PACS2: variants seen among roughly 807,000 people sequenced by gnomAD.
PACS2 encodes PACS1-like protein.
Under a neutral mutation model 113.0 loss-of-function variants are expected in PACS2, and 36 were observed. The observed-to-expected ratio is 0.32, with a 90% confidence interval of 0.24 to 0.42. The LOEUF is 0.42. Among genes scored for constraint, PACS2 ranks in the 10% least tolerant of loss-of-function variants. The probability of loss-of-function intolerance (pLI) is 1.00; values close to 1 mark genes in which losing one functional copy is unlikely to be tolerated. For synonymous variants in PACS2, 589 were observed against 536.1 expected (o/e 1.10, Z -1.36); for missense variants, 1,015 against 1,239.5 (o/e 0.82, Z 2.72).
At chr14:105,367,852 C>G (rs918984260) in intron 5 of PACS2, among the ~76,000 whole-genome samples, 1 of 152,216 alleles carries the variant, frequency 6.6e-6, no homozygotes, top group African/African-American at 2.4e-5. Context: ...CCCTCCCTGC[C>G]CCTCCCCACT....
chr14:105,333,443 C>G (rs935521753), intron 1 of PACS2, among the ~76,000 whole-genome samples: 3 of 152,238 alleles, frequency 2.0e-5, no homozygotes, highest in Non-Finnish European at 2.9e-5. Flanking sequence ...TCCTGGAAGC[C>G]AGTCCCTGGC....
chr14:105,377,170 G>A (rs1393763446), intron 9 of PACS2, among the ~76,000 whole-genome samples: 2 of 152,166 alleles, frequency 1.3e-5, no homozygotes, highest in Non-Finnish European at 2.9e-5. Flanking sequence ...CTCTGGGCTG[G>A]GGAGGACCGA....
chr14:105,390,774 CG>C (rs2081329259), intron 20 of PACS2: 2 of 242,280 alleles, frequency 8.3e-6, no homozygotes, highest in Admixed American at 5.1e-5. Context: ...ACACTGTGCT[CG>C]GGCACACAGG....
chr14:105,390,684 G>A (rs1257400851), intron 20 of PACS2: 1 of 182,154 alleles, frequency 5.5e-6, no homozygotes, highest in Admixed American at 5.4e-5. Flanking sequence ...GAGGGCTCTG[G>A]GGCGATGGCT....
intron 1 of PACS2, among the ~76,000 whole-genome samples, chr14:105,335,239 G>A (rs1025462774): frequency 1.3e-5 from 2 of 152,270 alleles, no homozygotes; most frequent in Non-Finnish European, 2.9e-5. Flanking sequence ...TCCCTGCTCT[G>A]GGGCAGATGC....
chr14:105,310,447 A>G (rs766888628), upstream of PACS2, among the ~76,000 whole-genome samples: 10 of 147,452 alleles, frequency 6.8e-5, no homozygotes, highest in Admixed American at 7.0e-5. Flanking sequence ...GGAGAATGGC[A>G]TGAACCCGGG....
intron 1 of PACS2, among the ~76,000 whole-genome samples, chr14:105,326,805 C>T (rs2059127187): frequency 2.0e-5 from 3 of 152,182 alleles, no homozygotes; most frequent in Admixed American, 2.0e-4. Context: ...ACCCTGCGGC[C>T]AGGACTCTAC....
intron 1 of PACS2, among the ~76,000 whole-genome samples, chr14:105,325,186 A>C (rs2059057005): frequency 7.2e-6 from 1 of 139,532 alleles, no homozygotes; most frequent in African/African-American, 2.7e-5. Context: ...GGGCTCGGAC[A>C]CAGTGGTTGT....
Position 105,354,616 on chromosome 14 carries a change from CAG to C in PACS2, c.298-435_298-434del, listed in dbSNP as rs1411070742. Reference sequence around the variant, plus strand: ...GAGACGTGCAGGCGAGTTGGGTGAACAGGGGGCCTCGGAGGGAGAGCCCTCCC... The same window carrying C: ...GAGACGTGCAGGCGAGTTGGGTGAACGGGGCCTCGGAGGGAGAGCCCTCCC... On this transcript the variant is annotated intron_variant, in intron 3 of 24. Coordinates refer to ENST00000447393, the MANE Select transcript of PACS2 (RefSeq NM_001100913.3). This position sits in a 1 kb window ranked among gnomAD's most constrained non-coding sequence, Gnocchi z 4.2. Among the ~76,000 whole-genome samples the C allele has an allele frequency of 1.3e-5, 2 of 152,228 alleles. No homozygotes were observed. Among genetic ancestry groups the C allele is most frequent in the East Asian group, 3.8e-4 (2 of 5,204 alleles).
chr14:105,331,106 C>T (rs946939268), intron 1 of PACS2, among the ~76,000 whole-genome samples: 10 of 152,124 alleles, frequency 6.6e-5, no homozygotes, highest in African/African-American at 1.9e-4. Flanking sequence ...AGGCATGCAC[C>T]GTCACACCCA....
intron 1 of PACS2, among the ~76,000 whole-genome samples, chr14:105,316,778 C>G (rs1455945920): frequency 1.3e-5 from 2 of 151,236 alleles, no homozygotes; most frequent in Admixed American, 6.6e-5. Flanking sequence ...CTGGGTAGCA[C>G]TAAGTGCTGG....
At chr14:105,379,435 C>T (rs895537828) in intron 9 of PACS2, among the ~76,000 whole-genome samples, 5 of 152,244 alleles carry the variant, frequency 3.3e-5, no homozygotes, top group Non-Finnish European at 7.3e-5. Flanking sequence ...TTGCCTGGAG[C>T]TAAGGCTGCG....
At position 105,379,551 on chromosome 14, in the gene PACS2, A is replaced by G. The variant is rs28529001; in HGVS notation, c.960-188A>G. ...GCTTAGTGTTGCCAGCTCCAGAATC[A>G]TTCTGTGCCCTGTGCTGCAGCTGGT... On this transcript the variant is annotated intron_variant, in intron 9 of 24. Coordinates refer to ENST00000447393, the MANE Select transcript of PACS2 (RefSeq NM_001100913.3). Among the ~76,000 whole-genome samples, 16,912 of 152,196 alleles carry G rather than the reference A, an allele frequency of 0.11. 3,166 individuals are homozygous for G. The highest frequency in any genetic ancestry group is 0.39 in the African/African-American group (15,967 of 41,460).
chr14:105,347,711 T>G (rs587708530), intron 1 of PACS2, among the ~76,000 whole-genome samples: 9 of 152,356 alleles, frequency 5.9e-5, no homozygotes, highest in Admixed American at 5.2e-4. Context: ...AAGAGAGCTG[T>G]GCCAAAGTTT....
intron 1 of PACS2, among the ~76,000 whole-genome samples, chr14:105,322,561 C>T (rs1441085269): frequency 6.6e-6 from 1 of 152,256 alleles, no homozygotes; most frequent in Non-Finnish European, 1.5e-5. Flanking sequence ...CCACCACGCC[C>T]AGCCTACCCT....
In PACS2 at chr14:105,368,366, C is replaced by T. The variant is rs1298193562; in HGVS notation, c.661-93C>T. The stretch of plus-strand genomic sequence containing the variant: ...TGGGACACAGGTGGGCTCTCAGTGC[C>T]GGGCCTCTCCCATCGCCCACGCTGA... On this transcript the variant is annotated intron_variant, in intron 6 of 24. Transcript: ENST00000447393. 15 of 1,008,298 alleles carry T rather than the reference C, an allele frequency of 1.5e-5. No homozygotes were observed. In the African/African-American group the frequency reaches 1.7e-4, roughly 12 times the overall value. The allele number at this position is 1,008,298 out of a possible 1,614,324, so 62.5% of individuals were successfully genotyped here. A position where few individuals can be genotyped will look rare whatever the true frequency, so the allele number is the denominator to read the frequency against.
At chr14:105,342,258 G>A (rs895034548) in intron 1 of PACS2, among the ~76,000 whole-genome samples, 3 of 151,942 alleles carry the variant, frequency 2.0e-5, no homozygotes, top group Non-Finnish European at 4.4e-5. Flanking sequence ...GTGTGTGTGT[G>A]TGTGTGTGTG....
intron 4 of PACS2, among the ~76,000 whole-genome samples, chr14:105,364,996 C>T (rs1364365846): frequency 6.6e-6 from 1 of 152,210 alleles, no homozygotes; most frequent in African/African-American, 2.4e-5. Context: ...TTATGCCCGG[C>T]CTCAATTTTC....
chr14:105,382,773 G>C, intron 14 of PACS2, 34 bp from the exon 15 acceptor site: 1 of 1,390,952 alleles, frequency 7.2e-7, no homozygotes, highest in Non-Finnish European at 1.0e-6. Flanking sequence ...CTGGGCGGCT[G>C]TGCCGAAGTC....
Sources: allele counts gnomAD v4.1 joint callset (sites outside exome capture counted in the v4.1 genomes callset), GRCh38; gene constraint gnomAD v4.1.1; non-coding constraint Gnocchi (gnomAD v3.1); transcripts MANE v1.5; gene names NCBI Gene and HGNC (gene_info 2026-07-23, HGNC 2026-07-21).